UBR3: variants seen among roughly 807,000 people sequenced by gnomAD.
UBR3 encodes the protein E3 ubiquitin-protein ligase UBR3.
UBR3 carries 85 observed loss-of-function variants against 243.2 expected under a neutral mutation model. The ratio of observed to expected loss-of-function variants is 0.35; its 90% CI spans 0.29 to 0.42. The LOEUF is 0.42. Among genes scored for constraint, UBR3 ranks in the 10% least tolerant of loss-of-function variants. The probability of loss-of-function intolerance (pLI) is 1.00; values close to 1 mark genes in which losing one functional copy is unlikely to be tolerated. For synonymous variants in UBR3, 748 were observed against 799.8 expected (o/e 0.94, Z 1.09); for missense variants, 1,686 against 2,300.8 (o/e 0.73, Z 5.47).
intron 1 of UBR3, among the ~76,000 whole-genome samples, chr2:169,843,428 C>T (rs1248985377): frequency 6.6e-6 from 1 of 152,122 alleles, no homozygotes; most frequent in Non-Finnish European, 1.5e-5. Flanking sequence ...CTGTCCAGCC[C>T]TTTTATAAGG....
At chr2:170,014,153 G>A (rs985608520) in intron 29 of UBR3, 1 of 183,002 alleles carries the variant, frequency 5.5e-6, no homozygotes, top group East Asian at 1.5e-4. Flanking sequence ...TTAGAAATGG[G>A]TGGCAAATGT....
chr2:170,075,230 G>C (rs912191294), intron 36 of UBR3, among the ~76,000 whole-genome samples: 3 of 151,790 alleles, frequency 2.0e-5, no homozygotes, highest in Non-Finnish European at 4.4e-5. Context: ...CAAGTTAATT[G>C]AATCTTGCAT....
At chr2:169,891,258 C>A in intron 6 of UBR3, 27 bp downstream of exon 6, 1 of 1,521,902 alleles carries the variant, frequency 6.6e-7, no homozygotes, top group South Asian at 1.2e-5. Context: ...TTATTTTTTT[C>A]CTTGAATAAA....
rs1458989664 is a variant in UBR3, at chr2:169,994,551, A to G, written c.3918+95A>G. The G allele has an allele frequency of 4.3e-6, 6 of 1,404,916 alleles. No homozygotes were observed. The African/African-American group carries it at 7.2e-5, about 17-fold the overall frequency. 87.0% of individuals were successfully genotyped at this position (1,404,916 alleles called of 1,614,324 possible). On this transcript the variant is annotated intron_variant, in intron 26 of 38. Coordinates refer to ENST00000272793, the MANE Select transcript of UBR3 (RefSeq NM_172070.4). ...TGTCTTTTACCAAAATGGCATTCTG[A>G]TGTTAAATTTGAAAGTTTATTAGAA... is the stretch of plus-strand genomic sequence containing the variant.
intron 1 of UBR3, among the ~76,000 whole-genome samples, chr2:169,856,525 C>T (rs2082871402): frequency 6.6e-6 from 1 of 152,138 alleles, no homozygotes; most frequent in African/African-American, 2.4e-5. Flanking sequence ...CACGCCACTG[C>T]ACTCCAGCCT....
At position 170,080,698 on chromosome 2, in the gene UBR3, G is replaced by GGATA. The variant is rs1344150940; in HGVS notation, c.5549+15_5549+18dup. On this transcript the variant is annotated intron_variant, in intron 38 of 38. Coordinates refer to ENST00000272793, the MANE Select transcript of UBR3 (RefSeq NM_172070.4). Reference sequence around the variant, plus strand: ...CCGGGATCTTAGGTTAGATGTTCATGGATATATCCAGGTGTTTTATTGAAA... The same window carrying GGATA: ...CCGGGATCTTAGGTTAGATGTTCATGGATAGATATATCCAGGTGTTTTATTGAAA... The GGATA allele has an allele frequency of 2.5e-6, 4 of 1,611,312 alleles. No homozygotes were observed. The highest frequency in any genetic ancestry group is 3.4e-6 in the Non-Finnish European group (4 of 1,179,022).
At chr2:169,890,587 A>ATG (rs1559064483) in intron 5 of UBR3, among the ~76,000 whole-genome samples, 2 of 112,482 alleles carry the variant, frequency 1.8e-5, no homozygotes, top group Non-Finnish European at 3.7e-5. Context: ...ATATGTATAT[A>ATG]TATATGTATA....
Position 169,827,644 on chromosome 2 carries a change from C to G in UBR3, c.137C>G (p.Ala46Gly). ...GCCCTCAGCCGGCCGGACAACCGCG[C>G]AGGTGCTGAGGAGCTGCAGGCGCTG... The part of the protein sequence containing the change: ...KAALSRPDNR[A>G]GAEELQALLE... The change falls in exon 1 of 39, where the codon GCA becomes GGA. Residue 46 changes from alanine (A) to glycine (G), a missense_variant. Ala to Gly is a moderately conservative substitution (Grantham distance 60). Around this residue, in one of 8 missense-constraint regions of UBR3, gnomAD observed 79 missense variants for 73.2 expected, o/e 1.08. Coordinates refer to ENST00000272793, the MANE Select transcript of UBR3 (RefSeq NM_172070.4). The G allele has an allele frequency of 7.9e-7, 1 of 1,262,186 alleles. No individual in the cohort carries two copies. The highest frequency in any genetic ancestry group is 1.0e-6 in the Non-Finnish European group (1 of 1,003,558). 78.2% of individuals were successfully genotyped at this position (1,262,186 alleles called of 1,614,324 possible).
chr2:169,844,490 C>G (rs905582653), intron 1 of UBR3, among the ~76,000 whole-genome samples: 8 of 104,198 alleles, frequency 7.7e-5, no homozygotes, highest in African/African-American at 2.9e-4. Flanking sequence ...GAAACCCTCT[C>G]TCTTTTTTTT....
At chr2:169,894,812 C>T (rs1574143886) in intron 6 of UBR3, among the ~76,000 whole-genome samples, 1 of 152,132 alleles carries the variant, frequency 6.6e-6, no homozygotes, top group Admixed American at 6.5e-5. Context: ...TCCAGTCTCT[C>T]ATCTAAGTTT....
chr2:170,024,790 T>C (rs2090485555), intron 30 of UBR3, among the ~76,000 whole-genome samples: 1 of 152,184 alleles, frequency 6.6e-6, no homozygotes, highest in African/African-American at 2.4e-5. Flanking sequence ...GTGTCTGTCT[T>C]GTGATGAAGC....
intron 29 of UBR3, 43 bp from the exon 30 acceptor site, chr2:170,015,238 G>C: frequency 2.7e-6 from 4 of 1,483,322 alleles, no homozygotes; most frequent in Non-Finnish European, 3.7e-6. Flanking sequence ...GATTAATAAA[G>C]AATCTTCAGT....
chr2:169,834,536 G>A (rs1426366439), intron 1 of UBR3, among the ~76,000 whole-genome samples: 1 of 152,138 alleles, frequency 6.6e-6, no homozygotes, highest in Non-Finnish European at 1.5e-5. Flanking sequence ...GAAACAATTT[G>A]TTTCCCCATA....
intron 24 of UBR3, among the ~76,000 whole-genome samples, chr2:169,973,497 A>G (rs959395924): frequency 3.3e-5 from 5 of 151,928 alleles, no homozygotes; most frequent in African/African-American, 9.7e-5. Context: ...GAGGCATCAC[A>G]CTACCTGACT....
intron 10 of UBR3, among the ~76,000 whole-genome samples, chr2:169,906,671 G>A (rs2085022632): frequency 6.6e-6 from 1 of 152,098 alleles, no homozygotes; most frequent in Non-Finnish European, 1.5e-5. Flanking sequence ...TTTGATAATA[G>A]ACACCATGCA....
intron 25 of UBR3, among the ~76,000 whole-genome samples, chr2:169,993,045 G>GCT (rs1230776916): frequency 1.3e-5 from 2 of 152,176 alleles, no homozygotes; most frequent in Non-Finnish European, 2.9e-5. Context: ...ACAGGCATGA[G>GCT]CTACCACACC....
intron 32 of UBR3, among the ~76,000 whole-genome samples, chr2:170,048,815 A>C (rs1174071859): frequency 6.6e-6 from 1 of 152,242 alleles, no homozygotes; most frequent in East Asian, 1.9e-4. Flanking sequence ...TGAGTCTTCT[A>C]TCCATGAAAT....
At position 170,081,802 on chromosome 2, in the gene UBR3, C is replaced by G. The variant is rs1259835881; in HGVS notation, c.5626C>G (p.His1876Asp). 2 of 1,607,190 alleles carry G rather than the reference C, an allele frequency of 1.2e-6. No individual in the cohort carries two copies. Among genetic ancestry groups the G allele is most frequent in the Non-Finnish European group, 1.7e-6 (2 of 1,176,250 alleles). Residue 1876 changes from histidine (H) to aspartate (D), a missense_variant, in exon 39 of 39, where the codon CAC becomes GAC. Coordinates refer to ENST00000272793, the MANE Select transcript of UBR3 (RefSeq NM_172070.4). ...EQQWISHTFD[H>D]INKRWGPHYN... ...ACAGTGGATTTCTCATACTTTTGATCACATCAATAAAAGATGGGGTCCACA... is the reference window on the plus strand; with the variant it reads ...ACAGTGGATTTCTCATACTTTTGATGACATCAATAAAAGATGGGGTCCACA...
rs377073317 is a variant in UBR3 at position 170,028,689 on chromosome 2, G to GGT, written c.4454-657_4454-656insGT. Among the ~76,000 whole-genome samples, 23 of 146,192 alleles carry GGT rather than the reference G, an allele frequency of 1.6e-4. 1 individual carries two copies. In the East Asian group the frequency reaches 4.5e-3, roughly 29 times the overall value. On this transcript the variant is annotated intron_variant, in intron 30 of 38. Transcript: ENST00000272793. ...ATCAGATACAAAAGCAATACTTAGG[G>GGT]TTTTTTTTTTTCCCAGAATAATTTT...
Sources: allele counts gnomAD v4.1 joint callset (sites outside exome capture counted in the v4.1 genomes callset), GRCh38; gene constraint gnomAD v4.1.1; regional missense constraint gnomAD v4.1.1; transcripts MANE v1.5; gene names NCBI Gene and HGNC (gene_info 2026-07-23, HGNC 2026-07-21).